The following FNTB variants were observed in gnomAD, a reference collection of about 807,000 sequenced individuals.
FNTB encodes farnesyltransferase, CAAX box, subunit beta, also known as protein farnesyltransferase subunit beta.
In FNTB, 27 loss-of-function variants were observed where a neutral mutation model predicts 59.4. That is an observed-to-expected ratio of 0.45 (90% confidence interval 0.34 to 0.63). FNTB has a LOEUF of 0.63. Among genes scored for constraint, FNTB ranks in the 20% least tolerant of loss-of-function variants. The pLI is 0.02. For synonymous variants in FNTB, 230 were observed against 220.7 expected (o/e 1.04, Z -0.37); for missense variants, 449 against 559.6 (o/e 0.80, Z 1.99).
At chr14:65,037,431 T>C (rs1483557006) in intron 7 of FNTB, among the ~76,000 whole-genome samples, 6 of 118,074 alleles carry the variant, frequency 5.1e-5, no homozygotes, top group Admixed American at 1.9e-4. Flanking sequence ...TTTTTTTTTT[T>C]TTTTTTTTTT....
In FNTB at chr14:65,028,804, G is replaced by A. The variant is rs1566554235; in HGVS notation, c.605+1023G>A. ...TGTGTTGATTCTTCTTAAGGAAAAT[G>A]TTAAAAGAGTTTTTTTCCCTCGTGT... On this transcript the variant is annotated intron_variant, in intron 6 of 11. Coordinates refer to ENST00000246166, the MANE Select transcript of FNTB (RefSeq NM_002028.4). This position sits in a 1 kb window ranked among gnomAD's most constrained non-coding sequence, Gnocchi z 4.4. 6.6e-6 allele frequency among the ~76,000 whole-genome samples: 1 copy of A among 152,180 alleles called. No homozygotes were observed. The highest frequency in any genetic ancestry group is 2.1e-4 in the South Asian group (1 of 4,828).
chr14:65,053,261 C>A lies in FNTB; in HGVS notation c.979C>A (p.His327Asn). ...AQGDPALSMS[H>N]WMFHQQALQE... ...AGGTGACCCTGCCCTTAGCATGAGC[C>A]ACTGGATGTTCCATCAGCAGGCCCT... Residue 327 changes from histidine (H) to asparagine (N), a missense_variant, in exon 10 of 12, where the codon CAC becomes AAC. Coordinates refer to ENST00000246166, the MANE Select transcript of FNTB (RefSeq NM_002028.4). 7.0e-7 allele frequency: 1 copy of A among 1,437,858 alleles called. No homozygotes were observed. Among genetic ancestry groups the A allele is most frequent in the East Asian group, 2.7e-5 (1 of 37,182 alleles). The allele number at this position is 1,437,858 out of a possible 1,614,324, so 89.1% of individuals were successfully genotyped here.
Position 65,044,281 on chromosome 14 carries a change from C to T in FNTB, c.823-30C>T. 1.2e-6 allele frequency: 2 copies of T among 1,611,558 alleles called. No homozygotes were observed. The highest frequency in any genetic ancestry group is 1.7e-6 in the Non-Finnish European group (2 of 1,179,018). On this transcript the variant is annotated intron_variant, in intron 8 of 11. Transcript: ENST00000246166. This position sits in a 1 kb window ranked among gnomAD's most constrained non-coding sequence, Gnocchi z 5.5. ...GCTGGATTTTGTCTCTTTTAGCCTACAACTGCCTTTCCCATCTGTGTCTCC... is the reference window on the plus strand; with the variant it reads ...GCTGGATTTTGTCTCTTTTAGCCTATAACTGCCTTTCCCATCTGTGTCTCC...
In FNTB at chr14:65,061,327, G is replaced by A. The variant is rs746747250; in HGVS notation, c.*15G>A. 25 of 1,612,984 alleles carry A rather than the reference G, an allele frequency of 1.5e-5. No homozygotes were observed. The highest frequency in any genetic ancestry group is 1.8e-4 in the Middle Eastern group (1 of 5,412). ...CAACCGACTAGAGGACCTGGGTCCC[G>A]GCAGCTCTTTGCTCACCCATCTCCC... On this transcript the variant is annotated 3_prime_UTR_variant, in exon 12 of 12. Transcript: ENST00000246166.
intron 9 of FNTB, among the ~76,000 whole-genome samples, chr14:65,045,403 C>T (rs2062453662): frequency 1.5e-5 from 2 of 136,774 alleles, no homozygotes; most frequent in African/African-American, 5.5e-5. Flanking sequence ...GAGCCCCCCA[C>T]CCCCCGTCTT....
At chr14:65,024,524 G>GA (rs1172362038) in intron 4 of FNTB, among the ~76,000 whole-genome samples, 1 of 152,292 alleles carries the variant, frequency 6.6e-6, no homozygotes, top group Non-Finnish European at 1.5e-5. Flanking sequence ...TTTTGGGTTT[G>GA]AAGATCCATG....
At position 65,019,236 on chromosome 14, in the gene FNTB, C is replaced by T. The variant is rs185722656; in HGVS notation, c.374+3520C>T. Among the ~76,000 whole-genome samples the T allele has an allele frequency of 6.0e-3, 919 of 151,992 alleles. 11 individuals carry two copies. Among genetic ancestry groups the T allele is most frequent in the African/African-American group, 0.021 (869 of 41,426 alleles). On this transcript the variant is annotated intron_variant, in intron 4 of 11. Coordinates refer to ENST00000246166, the MANE Select transcript of FNTB (RefSeq NM_002028.4). ...ATGTAGTGGCTCATGGCTGTAATCC[C>T]AGGACTTTGAGAGGCTGAGACAGGC... is the stretch of plus-strand genomic sequence containing the variant.
rs982614137 is a variant in FNTB, at chr14:65,011,129, G to A, written c.210-1188G>A. Among the ~76,000 whole-genome samples the A allele has an allele frequency of 6.6e-6, 1 of 152,106 alleles. No homozygotes were observed. The highest frequency in any genetic ancestry group is 1.5e-5 in the Non-Finnish European group (1 of 68,018). ...ATTTCTGAATTGGAAGAGTTTTTGA[G>A]GTAAAGACTACATGAAGGGCTGGGT... On this transcript the variant is annotated intron_variant, in intron 2 of 11. Transcript: ENST00000246166. This position sits in a 1 kb window ranked among gnomAD's most constrained non-coding sequence, Gnocchi z 4.0.
At chr14:65,050,618 C>T (rs1230478761) in intron 9 of FNTB, among the ~76,000 whole-genome samples, 3 of 152,184 alleles carry the variant, frequency 2.0e-5, no homozygotes, top group Non-Finnish European at 4.4e-5. Flanking sequence ...GGTGCTAATG[C>T]TGGAGGTGGT....
chr14:64,987,604 T>C, intron 1 of FNTB: 1 of 164,458 alleles, frequency 6.1e-6, no homozygotes, highest in Non-Finnish European at 1.4e-5. Flanking sequence ...TGGTAGTCAT[T>C]CAGCCATTTG....
At chr14:65,052,126 TAA>T (rs1448319907) in intron 9 of FNTB, among the ~76,000 whole-genome samples, 1 of 152,170 alleles carries the variant, frequency 6.6e-6, no homozygotes, top group Non-Finnish European at 1.5e-5. Context: ...GACATATATA[TAA>T]GATTTTTAGC....
chr14:65,040,948 C>T (rs1210934374), intron 8 of FNTB, 29 bp downstream of exon 8: 3 of 1,608,962 alleles, frequency 1.9e-6, no homozygotes, highest in Non-Finnish European at 2.5e-6. Flanking sequence ...ATCCCCCTCT[C>T]AGGCCCCAGG....
intron 1 of FNTB, chr14:64,987,378 G>A (rs1887991235): frequency 9.8e-6 from 5 of 508,456 alleles, no homozygotes; most frequent in Admixed American, 6.4e-5. Flanking sequence ...CGTGTTCTAT[G>A]CCTGGAGGAC....
Position 65,061,655 on chromosome 14 carries a change from AG to A in FNTB, c.*344del. 2.7e-4 allele frequency: 58 copies of A among 217,490 alleles called. No homozygotes were observed. Among genetic ancestry groups the A allele is most frequent in the South Asian group, 8.2e-4 (10 of 12,160 alleles). The allele number at this position is 217,490 out of a possible 1,614,324, so 13.5% of individuals were successfully genotyped here. On this transcript the variant is annotated 3_prime_UTR_variant, in exon 12 of 12. Coordinates refer to ENST00000246166, the MANE Select transcript of FNTB (RefSeq NM_002028.4). ...GGCATCTGAGTATTACGGCATCCAG[AG>A]CCACTGCTGACTCCCACTTGCACGC... is the stretch of plus-strand genomic sequence containing the variant.
intron 8 of FNTB, among the ~76,000 whole-genome samples, chr14:65,043,828 C>CAAAAAAAAAAAAAAAA (rs749243788): frequency 3.1e-5 from 2 of 64,244 alleles, no homozygotes; most frequent in African/African-American, 5.7e-5. Context: ...GACTCCGTCT[C>CAAAAAAAAAAAAAAAA]AAAAAAAAAA....
chr14:65,053,060 C>T (rs1227447790), intron 9 of FNTB, 178 bp from the exon 10 acceptor site: 1 of 408,096 alleles, frequency 2.5e-6, no homozygotes, highest in Non-Finnish European at 4.2e-6. Flanking sequence ...TGTCAAAGTT[C>T]AGGAGAAGGG....
intron 7 of FNTB, among the ~76,000 whole-genome samples, chr14:65,034,363 C>T (rs563973637): frequency 1.3e-5 from 2 of 152,298 alleles, no homozygotes; most frequent in Admixed American, 6.5e-5. Context: ...TGTACTCCAA[C>T]AGATCCCAAA....
intron 4 of FNTB, among the ~76,000 whole-genome samples, chr14:65,017,184 A>C (rs547102972): frequency 6.6e-6 from 1 of 152,088 alleles, no homozygotes; most frequent in South Asian, 2.1e-4. Context: ...CGGCCTCCCA[A>C]AGTGCTGGGA....
intron 2 of FNTB, among the ~76,000 whole-genome samples, chr14:65,005,791 C>G (rs908400457): frequency 6.6e-6 from 1 of 152,034 alleles, no homozygotes; most frequent in Non-Finnish European, 1.5e-5. Flanking sequence ...CATCACTATG[C>G]CTAGCTTATT....
Sources: gnomAD v4.1 joint callset for allele counts (sites outside exome capture counted in the v4.1 genomes callset) on GRCh38, gnomAD v4.1.1 for gene constraint, Gnocchi (gnomAD v3.1) non-coding constraint, MANE v1.5 for transcripts, NCBI Gene and HGNC (gene_info 2026-07-23, HGNC 2026-07-21) for gene names.